Variants in FAM50B observed in about 807,000 individuals in gnomAD.
FAM50B encodes family with sequence similarity 50 member B.
A neutral mutation model predicts 25.4 loss-of-function variants in FAM50B; 9 were observed. That is an observed-to-expected ratio of 0.35 (90% confidence interval 0.21 to 0.62). The LOEUF (loss-of-function observed/expected upper bound fraction) is 0.62. Ranked by LOEUF, FAM50B falls within the 20% of genes least tolerant of loss-of-function variation. The pLI is 0.73. For synonymous variants in FAM50B, 212 were observed against 204.3 expected (o/e 1.04, Z -0.32); for missense variants, 372 against 477.9 (o/e 0.78, Z 2.07).
At chr6:3,833,080 G>T in the FAM50B span, among the ~76,000 whole-genome samples, 1 of 152,068 alleles carries the variant, frequency 6.6e-6, no homozygotes, top group African/African-American at 2.4e-5. Context: ...GGCTGGTCTT[G>T]AACTCCTGAC....
chr6:3,850,850 A>G lies in FAM50B; in HGVS notation c.*61A>G. 1 of 1,563,896 alleles carries G rather than the reference A, an allele frequency of 6.4e-7. No individual in the cohort carries two copies. Among genetic ancestry groups the G allele is most frequent in the Admixed American group, 2.0e-5 (1 of 51,144 alleles). ...GAGACACTCATTTCTAGGCCCCATC[A>G]CCAGTCACTTGATTTCGTGACCTTG... On this transcript the variant is annotated 3_prime_UTR_variant, in exon 2 of 2. Coordinates refer to ENST00000648326, the MANE Select transcript of FAM50B (RefSeq NM_012135.3).
chr6:3,844,361 T>A, the FAM50B span, among the ~76,000 whole-genome samples: 3 of 152,334 alleles, frequency 2.0e-5, no homozygotes, highest in African/African-American at 2.4e-5. Flanking sequence ...TTATTTATTT[T>A]TTAACAATAG....
upstream of FAM50B, among the ~76,000 whole-genome samples, chr6:3,846,013 G>A (rs1172428567): frequency 6.6e-6 from 1 of 152,124 alleles, no homozygotes; most frequent in Non-Finnish European, 1.5e-5. Flanking sequence ...GAGCCACTGC[G>A]CCTGGCCTGA....
At chr6:3,840,562 ACCTGCCCCG>A in the FAM50B span, among the ~76,000 whole-genome samples, 1 of 152,112 alleles carries the variant, frequency 6.6e-6, no homozygotes. Context: ...GGTGTGTTGC[ACCTGCCCCG>A]CCTCCAACGA....
chr6:3,849,093 C>T (rs1762159205), upstream of FAM50B, among the ~76,000 whole-genome samples: 1 of 152,212 alleles, frequency 6.6e-6, no homozygotes, highest in Non-Finnish European at 1.5e-5. Flanking sequence ...AGGCTCAGCA[C>T]GCACGCACAG....
In FAM50B at chr6:3,850,214, G is replaced by A. The variant is rs745851693; in HGVS notation, c.403G>A (p.Glu135Lys). The change falls in exon 2 of 2, where the codon GAG (glutamate) becomes AAG (lysine). Residue 135 changes from glutamate (E) to lysine (K), a missense_variant. By Grantham distance (56) the Glu-to-Lys change is moderately conservative. Transcript: ENST00000648326. ...DDLDDQADAA[E>K]ARRAGNLGKN... ...CCTCGATGACCAGGCCGACGCGGCC[G>A]AGGCCAGGCGCGCCGGAAACCTGGG... 1.9e-6 allele frequency: 3 copies of A among 1,613,346 alleles called. No homozygotes were observed. Among genetic ancestry groups the A allele is most frequent in the South Asian group, 1.1e-5 (1 of 91,068 alleles).
chr6:3,847,585 G>C (rs1762137520), upstream of FAM50B, among the ~76,000 whole-genome samples: 1 of 152,260 alleles, frequency 6.6e-6, no homozygotes, highest in Non-Finnish European at 1.5e-5. Flanking sequence ...CAGACCACTA[G>C]AACTTTCTCC....
Position 3,850,675 on chromosome 6 carries a change from C to T in FAM50B, c.864C>T (p.His288=), listed in dbSNP as rs752627352. ...CCACCATGGAGAAGGACGAGTCGCA[C>T]GCGGGCAAGGTGGTGCTGCGCAGCT... is the stretch of plus-strand genomic sequence containing the variant. ...SDATMEKDES[H]AGKVVLRSWY... Residue 288 remains histidine, a synonymous_variant, in exon 2 of 2, where the codon CAC becomes CAT. Coordinates refer to ENST00000648326, the MANE Select transcript of FAM50B (RefSeq NM_012135.3). 5 of 1,614,004 alleles carry T rather than the reference C, an allele frequency of 3.1e-6. No homozygotes were observed. The highest frequency in any genetic ancestry group is 2.2e-5 in the South Asian group (2 of 91,082).
chr6:3,836,026 T>G, the FAM50B span, among the ~76,000 whole-genome samples: 8 of 152,220 alleles, frequency 5.3e-5, no homozygotes, highest in Non-Finnish European at 1.0e-4. Flanking sequence ...GTTGTCAGTG[T>G]CAGTAGTATC....
intron 1 of FAM50B, 137 bp from the exon 2 acceptor site, chr6:3,849,652 G>A: frequency 7.7e-7 from 1 of 1,296,840 alleles, no homozygotes. Flanking sequence ...TCAGGTTGGT[G>A]GTTACCCTAG....
chr6:3,849,537 TC>T (rs1762171219), intron 1 of FAM50B, 51 bp downstream of exon 1: 1 of 470,618 alleles, frequency 2.1e-6, no homozygotes. Flanking sequence ...CTCCCCAAAT[TC>T]AGCGCTGCGC....
the FAM50B span, among the ~76,000 whole-genome samples, chr6:3,840,300 C>T: frequency 6.6e-6 from 1 of 152,112 alleles, no homozygotes; most frequent in African/African-American, 2.4e-5. Flanking sequence ...GCCAAAACCC[C>T]GTCTTTATTA....
chr6:3,850,071 A>G lies in FAM50B; in HGVS notation c.260A>G (p.Gln87Arg), dbSNP rs1290401811. 2 of 1,610,470 alleles carry G rather than the reference A, an allele frequency of 1.2e-6. No homozygotes were observed. The highest frequency in any genetic ancestry group is 1.6e-4 in the Middle Eastern group (1 of 6,070). ...QEALVRERER[Q>R]LAKRQHLEEQ... ...GCCCTGGTCAGGGAGCGCGAGCGGCAGCTGGCCAAGCGCCAGCACCTGGAG... is the reference window on the plus strand; with the variant it reads ...GCCCTGGTCAGGGAGCGCGAGCGGCGGCTGGCCAAGCGCCAGCACCTGGAG... Residue 87 changes from glutamine (Q) to arginine (R), a missense_variant, in exon 2 of 2, where the codon CAG (glutamine) becomes CGG (arginine). By Grantham distance (43) the Gln-to-Arg change is conservative (BLOSUM62 1). Coordinates refer to ENST00000648326, the MANE Select transcript of FAM50B (RefSeq NM_012135.3).
the FAM50B span, among the ~76,000 whole-genome samples, chr6:3,835,428 G>A: frequency 6.6e-6 from 1 of 152,238 alleles, no homozygotes; most frequent in African/African-American, 2.4e-5. Flanking sequence ...TCTGCCCTTT[G>A]GACTTGACTT....
Position 3,849,382 on chromosome 6 carries a change from G to C in FAM50B, c.-128G>C, listed in dbSNP as rs1762167181. 1 of 164,872 alleles carries C rather than the reference G, an allele frequency of 6.1e-6. No individual in the cohort carries two copies. Among genetic ancestry groups the C allele is most frequent in the Non-Finnish European group, 1.3e-5 (1 of 76,390 alleles). The allele number at this position is 164,872 out of a possible 1,614,324, so 10.2% of individuals were successfully genotyped here. ...GGGGCGCACCGCCTCCACTTCCTGT[G>C]TCCACGGCTGTCGCGAGAGCCCGGG... On this transcript the variant is annotated 5_prime_UTR_variant, in exon 1 of 2. Coordinates refer to ENST00000648326, the MANE Select transcript of FAM50B (RefSeq NM_012135.3).
chr6:3,833,988 A>G, the FAM50B span: 1 of 152,244 alleles, frequency 6.6e-6, no homozygotes, highest in Non-Finnish European at 1.5e-5. Context: ...GAATAAAAAC[A>G]TTTTTAAAAT....
chr6:3,848,670 C>G (rs1762152751), upstream of FAM50B, among the ~76,000 whole-genome samples: 1 of 152,104 alleles, frequency 6.6e-6, no homozygotes, highest in Non-Finnish European at 1.5e-5. Context: ...GAAACGGTCA[C>G]GAAACATGAA....
chr6:3,842,695 T>C, the FAM50B span, among the ~76,000 whole-genome samples: 1 of 152,318 alleles, frequency 6.6e-6, no homozygotes, highest in Admixed American at 6.5e-5. Flanking sequence ...AAGGTGCCTG[T>C]GGGACACTCG....
At chr6:3,847,894 G>A (rs1283812103), upstream of FAM50B, among the ~76,000 whole-genome samples, 1 of 152,210 alleles carries the variant, frequency 6.6e-6, no homozygotes, top group East Asian at 1.9e-4. Flanking sequence ...CAGGCACTAG[G>A]GAAGCCTAGG....
Sources: allele counts gnomAD v4.1 joint callset (sites outside exome capture counted in the v4.1 genomes callset), GRCh38; gene constraint gnomAD v4.1.1; transcripts MANE v1.5; gene names NCBI Gene and HGNC (gene_info 2026-07-23, HGNC 2026-07-21).